The following NRXN3 variants were observed in gnomAD, a reference collection of about 807,000 sequenced individuals.
NRXN3 encodes the protein neurexin 3, also known as neurexin III.
NRXN3 carries 32 observed loss-of-function variants against 137.6 expected under a neutral mutation model. The ratio of observed to expected loss-of-function variants is 0.23; its 90% CI spans 0.18 to 0.31. The LOEUF is 0.31. NRXN3 is among the 10% of genes least tolerant of loss of function. The pLI is 1.00. For synonymous variants in NRXN3, 798 were observed against 784.5 expected, an observed-to-expected ratio of 1.02 and a Z score of -0.29; for missense variants, 1,574 against 2,062.5, an observed-to-expected ratio of 0.76 and a Z score of 4.59.
intron 4 of NRXN3, among the ~76,000 whole-genome samples, chr14:78,449,053 G>A (rs1303301369): frequency 6.6e-6 from 1 of 152,132 alleles, no homozygotes; most frequent in Non-Finnish European, 1.5e-5. Flanking sequence ...AGGTAAAGAA[G>A]AAAACAAATT....
rs1210102809 is a variant in NRXN3 at position 78,556,849 on chromosome 14, A to ACCTCT, written c.758-88259_758-88255dup. 1.4e-4 allele frequency among the ~76,000 whole-genome samples: 20 copies of ACCTCT among 142,250 alleles called. No homozygotes were observed. The East Asian group carries it at 4.3e-3, about 31-fold the overall frequency. The allele number at this position is 142,250 out of a possible 152,430, so 93.3% of individuals were successfully genotyped here. ...GGTAAAAAAAAAATACATCTAGGAG[A>ACCTCT]CCTCTCCTCTCCTCTCTTCTCCTCT... On this transcript the variant is annotated intron_variant, in intron 4 of 20. Transcript: ENST00000335750.
At chr14:78,210,893 G>A (rs1005103297) in intron 1 of NRXN3, among the ~76,000 whole-genome samples, 1 of 152,062 alleles carries the variant, frequency 6.6e-6, no homozygotes, top group African/African-American at 2.4e-5. Flanking sequence ...TGACCACCAG[G>A]GAGCATGTGC....
chr14:78,216,209 A>G (rs1012363807), intron 1 of NRXN3, among the ~76,000 whole-genome samples: 3 of 151,644 alleles, frequency 2.0e-5, no homozygotes, highest in Admixed American at 1.3e-4. Flanking sequence ...TTTTCTTCCT[A>G]AAGGTATCAA....
At chr14:78,287,889 T>C (rs2075348510) in intron 3 of NRXN3, among the ~76,000 whole-genome samples, 2 of 152,218 alleles carry the variant, frequency 1.3e-5, no homozygotes, top group Non-Finnish European at 1.5e-5. Context: ...TTTTATTTTT[T>C]GCATCCTTTC....
chr14:78,360,537 T>C (rs2084959265), intron 4 of NRXN3, among the ~76,000 whole-genome samples: 1 of 152,164 alleles, frequency 6.6e-6, no homozygotes, highest in Admixed American at 6.5e-5. Flanking sequence ...AGCTCTGTCA[T>C]TTACTACCCA....
At chr14:78,564,719 T>TA (rs1466415589) in intron 4 of NRXN3, among the ~76,000 whole-genome samples, 3 of 152,350 alleles carry the variant, frequency 2.0e-5, no homozygotes, top group South Asian at 4.1e-4. Flanking sequence ...ACTGTTTCCC[T>TA]AGGCTGTTGT....
chr14:78,723,346 A>T (rs2098468837), intron 8 of NRXN3, among the ~76,000 whole-genome samples: 1 of 152,260 alleles, frequency 6.6e-6, no homozygotes, highest in Non-Finnish European at 1.5e-5. Context: ...TAAATAAAAA[A>T]GGGGCAATGT....
At chr14:79,660,040 TGTATTATCAAGAA>T (rs2098525908) in intron 16 of NRXN3, among the ~76,000 whole-genome samples, 1 of 152,114 alleles carries the variant, frequency 6.6e-6, no homozygotes. Context: ...GTCCTTATAG[TGTATTATCAAGAA>T]GTGGCTTCAG....
chr14:78,569,244 C>T (rs749582922), intron 4 of NRXN3, among the ~76,000 whole-genome samples: 2 of 150,178 alleles, frequency 1.3e-5, no homozygotes, highest in Non-Finnish European at 3.0e-5. Flanking sequence ...GCTGGGATTG[C>T]AGGCATGAGC....
intron 15 of NRXN3, among the ~76,000 whole-genome samples, chr14:79,019,729 T>C (rs1159911788): frequency 6.6e-6 from 1 of 151,976 alleles, no homozygotes; most frequent in East Asian, 1.9e-4. Context: ...TCAAATGCAG[T>C]TGAGAGGGCT....
intron 15 of NRXN3, among the ~76,000 whole-genome samples, chr14:79,351,981 C>T (rs1413473244): frequency 6.6e-6 from 1 of 152,150 alleles, no homozygotes; most frequent in African/African-American, 2.4e-5. Context: ...ATATTAGCTC[C>T]ATGAATCTTT....
At chr14:79,239,975 A>G (rs2074015302) in intron 15 of NRXN3, among the ~76,000 whole-genome samples, 3 of 152,188 alleles carry the variant, frequency 2.0e-5, no homozygotes, top group Non-Finnish European at 2.9e-5. Flanking sequence ...TTATAGAGGC[A>G]GAGAATAGAA....
intron 4 of NRXN3, among the ~76,000 whole-genome samples, chr14:78,635,559 A>G (rs192200319): frequency 6.6e-6 from 1 of 152,294 alleles, no homozygotes; most frequent in Admixed American, 6.5e-5. Flanking sequence ...ATACAAAAAT[A>G]TACAGTGTTA....
chr14:79,163,959 T>C (rs1219298054), intron 15 of NRXN3, among the ~76,000 whole-genome samples: 1 of 151,956 alleles, frequency 6.6e-6, no homozygotes, highest in Non-Finnish European at 1.5e-5. Context: ...TGTTAATTCA[T>C]GCTGAACTTG....
chr14:79,392,554 TG>T (rs2094883282), intron 15 of NRXN3, among the ~76,000 whole-genome samples: 1 of 152,176 alleles, frequency 6.6e-6, no homozygotes, highest in Non-Finnish European at 1.5e-5. Flanking sequence ...TCTAGATCCT[TG>T]AAGAATCGCC....
In NRXN3 at chr14:79,186,585, C is replaced by G. The variant is rs550254708; in HGVS notation, c.3262+198444C>G. ...ATCAAGTCTCCAAAATTTCTCTATC[C>G]TTTAGAAAGAAACTCCACCTTAATT... is the stretch of plus-strand genomic sequence containing the variant. On this transcript the variant is annotated intron_variant, in intron 15 of 20. Coordinates refer to ENST00000335750, the MANE Select transcript of NRXN3 (RefSeq NM_001330195.2). 2.0e-5 allele frequency among the ~76,000 whole-genome samples: 3 copies of G among 152,260 alleles called. No individual in the cohort carries two copies. In the East Asian group the frequency reaches 5.8e-4, roughly 29 times the overall value.
chr14:79,119,952 T>C (rs748367388), intron 15 of NRXN3, among the ~76,000 whole-genome samples: 4 of 152,172 alleles, frequency 2.6e-5, no homozygotes, highest in Non-Finnish European at 5.9e-5. Context: ...CAATATACTC[T>C]ATTGTATTCA....
intron 15 of NRXN3, among the ~76,000 whole-genome samples, chr14:79,031,748 A>C (rs1026069564): frequency 1.1e-4 from 17 of 152,188 alleles, no homozygotes; most frequent in Admixed American, 2.6e-4. Flanking sequence ...TCAACAAAAC[A>C]AGAGGGAATT....
intron 16 of NRXN3, among the ~76,000 whole-genome samples, chr14:79,574,619 G>A (rs1370732970): frequency 6.6e-6 from 1 of 152,108 alleles, no homozygotes; most frequent in Non-Finnish European, 1.5e-5. Context: ...AGAGCTGCTT[G>A]AGTATCCTCA....
Sources: allele counts gnomAD v4.1 joint callset (sites outside exome capture counted in the v4.1 genomes callset), GRCh38; gene constraint gnomAD v4.1.1; transcripts MANE v1.5; gene names NCBI Gene and HGNC (gene_info 2026-07-23, HGNC 2026-07-21).